Variants in ARHGAP15 observed in about 807,000 individuals in gnomAD.
ARHGAP15 encodes rho GTPase-activating protein 15.
In ARHGAP15, 51 loss-of-function variants were observed where a neutral mutation model predicts 63.7. The observed-to-expected ratio is 0.80, with a 90% CI of 0.64 to 1.01. ARHGAP15 has a LOEUF of 1.01. ARHGAP15 is among the 50% of genes least tolerant of loss of function. ARHGAP15 has a pLI of 0.00. For missense variants in ARHGAP15, 560 were observed against 564.6 expected, an observed-to-expected ratio of 0.99 and a Z score of 0.08; for synonymous variants, 191 against 193.8, an observed-to-expected ratio of 0.99 and a Z score of 0.12.
At chr2:143,617,328 G>T (rs889630737) in intron 11 of ARHGAP15, among the ~76,000 whole-genome samples, 84 of 152,284 alleles carry the variant, frequency 5.5e-4, no homozygotes, top group African/African-American at 2.0e-3. Context: ...GTATTAGTTT[G>T]CTTGAGCTAC....
intron 6 of ARHGAP15, among the ~76,000 whole-genome samples, chr2:143,252,034 T>C (rs970997516): frequency 6.6e-6 from 1 of 152,080 alleles, no homozygotes. Flanking sequence ...AGCCTTATTA[T>C]GTACTGTGAA....
At chr2:143,297,659 C>T (rs946191531) in intron 6 of ARHGAP15, among the ~76,000 whole-genome samples, 1 of 151,882 alleles carries the variant, frequency 6.6e-6, no homozygotes, top group Non-Finnish European at 1.5e-5. Flanking sequence ...AAAGCTATTG[C>T]CAGTCTTACT....
At chr2:143,254,756 A>G (rs1008469567) in intron 6 of ARHGAP15, among the ~76,000 whole-genome samples, 1 of 152,124 alleles carries the variant, frequency 6.6e-6, no homozygotes, top group Non-Finnish European at 1.5e-5. Context: ...TATATCCCAT[A>G]CTGTCTTCTA....
At position 143,271,600 on chromosome 2, in the gene ARHGAP15, G is replaced by A. The variant is rs919620002; in HGVS notation, c.474+21000G>A. ...ACACCATTCTCCTGCCTCAGCCTCC[G>A]GAGTAGCTGGGACCACAGGTGCCTG... is the stretch of plus-strand genomic sequence containing the variant. On this transcript the variant is annotated intron_variant, in intron 6 of 13. Coordinates refer to ENST00000295095, the MANE Select transcript of ARHGAP15 (RefSeq NM_018460.4). 4.9e-4 allele frequency among the ~76,000 whole-genome samples: 75 copies of A among 152,194 alleles called. 1 individual carries two copies. The highest frequency in any genetic ancestry group is 4.3e-3 in the Admixed American group (66 of 15,296).
chr2:143,681,164 CTA>C (rs1683083852), intron 12 of ARHGAP15, among the ~76,000 whole-genome samples: 1 of 152,168 alleles, frequency 6.6e-6, no homozygotes, highest in Non-Finnish European at 1.5e-5. Context: ...CTACAAGCTG[CTA>C]CCTCATTGTG....
At chr2:143,338,363 G>T (rs1221559070) in intron 6 of ARHGAP15, among the ~76,000 whole-genome samples, 2 of 152,168 alleles carry the variant, frequency 1.3e-5, no homozygotes, top group East Asian at 3.8e-4. Flanking sequence ...TTCAACTCAC[G>T]TGGATCAGAT....
chr2:143,165,053 A>ATGAT (rs1690444248), intron 2 of ARHGAP15, among the ~76,000 whole-genome samples: 1 of 152,030 alleles, frequency 6.6e-6, no homozygotes, highest in Admixed American at 6.6e-5. Flanking sequence ...AGGAAGCCAA[A>ATGAT]TGATTAATCA....
intron 1 of ARHGAP15, among the ~76,000 whole-genome samples, chr2:143,150,907 T>G (rs1412561016): frequency 6.6e-6 from 1 of 152,036 alleles, no homozygotes. Context: ...TTGAAGTTAA[T>G]AAGCCTGATA....
At chr2:143,498,750 GTCT>G (rs1158272600) in intron 9 of ARHGAP15, among the ~76,000 whole-genome samples, 5 of 152,062 alleles carry the variant, frequency 3.3e-5, no homozygotes, top group East Asian at 3.9e-4. Flanking sequence ...CTTCTTCATT[GTCT>G]TCTTCTCTCA....
intron 6 of ARHGAP15, among the ~76,000 whole-genome samples, chr2:143,335,991 ATTAT>A (rs917858862): frequency 6.6e-6 from 1 of 151,184 alleles, no homozygotes; most frequent in African/African-American, 2.4e-5. Flanking sequence ...TTTATTTATT[ATTAT>A]TATTTTGTAG....
intron 6 of ARHGAP15, among the ~76,000 whole-genome samples, chr2:143,372,918 T>C (rs1043893352): frequency 2.0e-5 from 3 of 151,558 alleles, no homozygotes; most frequent in African/African-American, 4.9e-5. Flanking sequence ...GGACACCTTT[T>C]AAAAGCCTAT....
intron 13 of ARHGAP15, among the ~76,000 whole-genome samples, chr2:143,726,314 C>T (rs1275946088): frequency 6.6e-6 from 1 of 152,014 alleles, no homozygotes; most frequent in Non-Finnish European, 1.5e-5. Context: ...GCAGAATGAC[C>T]TACTTTAAGG....
At chr2:143,444,296 AAG>A (rs1690032704) in intron 8 of ARHGAP15, among the ~76,000 whole-genome samples, 1 of 152,208 alleles carries the variant, frequency 6.6e-6, no homozygotes, top group Admixed American at 6.6e-5. Flanking sequence ...TTGTAAACAA[AAG>A]AAAAAAAAAG....
At chr2:143,274,278 A>G (rs976218169) in intron 6 of ARHGAP15, among the ~76,000 whole-genome samples, 20 of 152,192 alleles carry the variant, frequency 1.3e-4, no homozygotes, top group African/African-American at 4.6e-4. Flanking sequence ...TTAGGAGTAC[A>G]AAGCTGTCTT....
At chr2:143,719,766 G>A (rs1371855716) in intron 13 of ARHGAP15, among the ~76,000 whole-genome samples, 5 of 152,042 alleles carry the variant, frequency 3.3e-5, no homozygotes, top group East Asian at 3.9e-4. Context: ...ATAAATGTAC[G>A]CCCTGCCCTC....
intron 6 of ARHGAP15, among the ~76,000 whole-genome samples, chr2:143,311,546 A>T (rs1286615009): frequency 6.6e-6 from 1 of 152,120 alleles, no homozygotes; most frequent in African/African-American, 2.4e-5. Context: ...AAGTGCTTAT[A>T]GTAATTGGGT....
intron 1 of ARHGAP15, among the ~76,000 whole-genome samples, chr2:143,141,131 A>C (rs1016368240): frequency 2.0e-5 from 3 of 152,054 alleles, no homozygotes; most frequent in African/African-American, 7.2e-5. Flanking sequence ...TACATTTGGC[A>C]GCTTTAGATG....
chr2:143,470,651 A>ATATATGTGTGTG (rs1691478545), intron 8 of ARHGAP15, among the ~76,000 whole-genome samples: 1 of 132,980 alleles, frequency 7.5e-6, no homozygotes, highest in Non-Finnish European at 1.6e-5. Flanking sequence ...ATGTGTGTGT[A>ATATATGTGTGTG]TATATATACA....
chr2:143,519,010 GACTATA>G, intron 9 of ARHGAP15: 1 of 288,540 alleles, frequency 3.5e-6, no homozygotes, highest in Non-Finnish European at 6.6e-6. Flanking sequence ...GGCCCAGAGA[GACTATA>G]ACTTACATAG....
Sources: gnomAD v4.1 joint callset for allele counts (sites outside exome capture counted in the v4.1 genomes callset) on GRCh38, gnomAD v4.1.1 for gene constraint, MANE v1.5 for transcripts, NCBI Gene and HGNC (gene_info 2026-07-23, HGNC 2026-07-21) for gene names.